Variants in RAB38 observed in about 807,000 individuals in gnomAD.
RAB38 encodes ras-related protein Rab-38.
Under a neutral mutation model 18.4 loss-of-function variants are expected in RAB38, and 15 were observed. The ratio of observed to expected loss-of-function variants is 0.82; its 90% CI spans 0.55 to 1.26. The LOEUF is 1.26. Among genes scored for constraint, RAB38 ranks in the 50% most tolerant of loss-of-function variants. The pLI is 0.00. For missense variants in RAB38, 294 were observed against 267.4 expected, an observed-to-expected ratio of 1.10 and a Z score of -0.69; for synonymous variants, 101 against 104.4, an observed-to-expected ratio of 0.97 and a Z score of 0.20.
At chr11:87,905,275 G>A in the RAB38 span, among the ~76,000 whole-genome samples, 1 of 150,978 alleles carries the variant, frequency 6.6e-6, no homozygotes, top group African/African-American at 2.4e-5. Context: ...TGTTCATTTA[G>A]TCCTTTTAAG....
chr11:87,909,065 T>A, the RAB38 span, among the ~76,000 whole-genome samples: 1 of 152,006 alleles, frequency 6.6e-6, no homozygotes, highest in Admixed American at 6.6e-5. Context: ...ATCTGTGTAC[T>A]CACATATATC....
At chr11:88,028,800 A>C in the RAB38 span, among the ~76,000 whole-genome samples, 2 of 152,188 alleles carry the variant, frequency 1.3e-5, no homozygotes, top group African/African-American at 2.4e-5. Context: ...GTTGGAAAAC[A>C]CTCTGCAGGA....
At chr11:88,142,511 T>G (rs1166908490) in intron 2 of RAB38, among the ~76,000 whole-genome samples, 1 of 152,196 alleles carries the variant, frequency 6.6e-6, no homozygotes, top group Non-Finnish European at 1.5e-5. Context: ...TAAGTCCCTT[T>G]CCATAGGTAT....
At chr11:88,025,441 T>C in the RAB38 span, among the ~76,000 whole-genome samples, 3 of 152,188 alleles carry the variant, frequency 2.0e-5, no homozygotes, top group Non-Finnish European at 2.9e-5. Flanking sequence ...CTTTACGCTC[T>C]TTGAGAAATC....
At chr11:88,059,370 C>A in the RAB38 span, among the ~76,000 whole-genome samples, 1 of 152,184 alleles carries the variant, frequency 6.6e-6, no homozygotes, top group African/African-American at 2.4e-5. Flanking sequence ...TAATTCAATA[C>A]CTCTTGCTAA....
intron 2 of RAB38, among the ~76,000 whole-genome samples, chr11:88,122,428 C>T (rs1041092776): frequency 6.6e-6 from 1 of 152,074 alleles, no homozygotes; most frequent in Non-Finnish European, 1.5e-5. Flanking sequence ...CTTAACAAAC[C>T]CCATTCATGA....
chr11:87,907,794 T>C, the RAB38 span, among the ~76,000 whole-genome samples: 3 of 151,840 alleles, frequency 2.0e-5, no homozygotes, highest in African/African-American at 7.2e-5. Flanking sequence ...CAATAATATG[T>C]TTTCATTTTT....
the RAB38 span, among the ~76,000 whole-genome samples, chr11:87,846,863 G>C: frequency 3.3e-5 from 5 of 151,902 alleles, no homozygotes; most frequent in Non-Finnish European, 7.4e-5. Context: ...AATTACATTA[G>C]AACCAAATAG....
the RAB38 span, among the ~76,000 whole-genome samples, chr11:87,857,689 TC>T: frequency 4.6e-5 from 7 of 152,094 alleles, no homozygotes; most frequent in African/African-American, 1.7e-4. Flanking sequence ...TTCATATCCT[TC>T]ACCTACTTTT....
the RAB38 span, among the ~76,000 whole-genome samples, chr11:87,964,115 C>T: frequency 6.6e-6 from 1 of 152,070 alleles, no homozygotes; most frequent in East Asian, 1.9e-4. Flanking sequence ...TTATCTATTG[C>T]TGCATATCAA....
chr11:87,869,660 CTT>C, the RAB38 span, among the ~76,000 whole-genome samples: 1 of 151,678 alleles, frequency 6.6e-6, no homozygotes, highest in South Asian at 2.1e-4. Flanking sequence ...AAAAAAATAA[CTT>C]TAGGGTTCTT....
the RAB38 span, among the ~76,000 whole-genome samples, chr11:87,844,154 T>A: frequency 4.6e-5 from 7 of 152,212 alleles, no homozygotes; most frequent in Non-Finnish European, 7.3e-5. Flanking sequence ...AAACCAAACC[T>A]TTTCCCATGG....
chr11:87,967,901 C>T, the RAB38 span, among the ~76,000 whole-genome samples: 2 of 152,184 alleles, frequency 1.3e-5, no homozygotes, highest in East Asian at 1.9e-4. Flanking sequence ...GGATGGCATG[C>T]GGGAGGTGTT....
At chr11:87,977,604 A>G in the RAB38 span, among the ~76,000 whole-genome samples, 1 of 118,478 alleles carries the variant, frequency 8.4e-6, no homozygotes, top group African/African-American at 3.3e-5. Flanking sequence ...TATGTACTAT[A>G]CAATTATATA....
the RAB38 span, among the ~76,000 whole-genome samples, chr11:88,018,301 G>A: frequency 1.3e-5 from 2 of 152,068 alleles, no homozygotes; most frequent in East Asian, 1.9e-4. Flanking sequence ...TGCAGCACGT[G>A]CTTCTCATTT....
At chr11:88,166,051 G>A (rs1943239716) in intron 1 of RAB38, 2 of 152,094 alleles carry the variant, frequency 1.3e-5, no homozygotes, top group South Asian at 4.1e-4. Flanking sequence ...CATCAGGTAG[G>A]ATTTGGATGT....
chr11:87,813,376 C>G, the RAB38 span, among the ~76,000 whole-genome samples: 1 of 152,258 alleles, frequency 6.6e-6, no homozygotes, highest in African/African-American at 2.4e-5. Flanking sequence ...AGATTACTTT[C>G]TCTCCTTTCA....
chr11:88,059,530 C>T, the RAB38 span, among the ~76,000 whole-genome samples: 1 of 152,310 alleles, frequency 6.6e-6, no homozygotes, highest in South Asian at 2.1e-4. Flanking sequence ...GCCACATGCT[C>T]CTTGTTAGAG....
At chr11:87,935,647 C>T in the RAB38 span, among the ~76,000 whole-genome samples, 3 of 152,002 alleles carry the variant, frequency 2.0e-5, no homozygotes, top group East Asian at 5.8e-4. Flanking sequence ...CTCTTGAAAA[C>T]TTATAGTACA....
Sources: allele counts gnomAD v4.1 joint callset (sites outside exome capture counted in the v4.1 genomes callset), GRCh38; gene constraint gnomAD v4.1.1; transcripts MANE v1.5; gene names NCBI Gene and HGNC (gene_info 2026-07-23, HGNC 2026-07-21).